Variants in PTCHD4 observed in about 807,000 individuals in gnomAD.
PTCHD4 encodes the protein patched domain-containing protein 4.
Under a neutral mutation model 58.1 loss-of-function variants are expected in PTCHD4, and 33 were observed. That is an observed-to-expected ratio of 0.57 (90% CI 0.43 to 0.76). PTCHD4 has a LOEUF of 0.76. Among genes scored for constraint, PTCHD4 ranks in the 30% least tolerant of loss-of-function variants. The pLI is 0.00. For missense variants in PTCHD4, 1,058 were observed against 1,027.1 expected (o/e 1.03, Z -0.41); for synonymous variants, 478 against 409.6 (o/e 1.17, Z -2.02).
At chr6:48,059,912 A>T (rs867048240) in intron 3 of PTCHD4, among the ~76,000 whole-genome samples, 13 of 152,098 alleles carry the variant, frequency 8.5e-5, no homozygotes, top group Admixed American at 4.6e-4. Flanking sequence ...CACCCGTCAG[A>T]TCTCTGCTCA....
At chr6:48,066,450 C>G (rs537467278) in intron 3 of PTCHD4, among the ~76,000 whole-genome samples, 23 of 152,276 alleles carry the variant, frequency 1.5e-4, no homozygotes, top group African/African-American at 5.3e-4. Context: ...GAAAAACCAA[C>G]TGAAGTTTAT....
Position 47,879,913 on chromosome 6 carries a change from C to G in PTCHD4, c.922G>C (p.Glu308Gln), listed in dbSNP as rs79417370. The part of the protein sequence containing the change: ...AMGHGTKGVF[E>Q]LLSGWRRTKE... The stretch of plus-strand genomic sequence containing the variant: ...GTTCTCCGCCATCCGGACAGAAGCT[C>G]AAACACTCCTTTAGTTCCATGACCT... The change falls in exon 5 of 5, where the codon GAG (glutamate) becomes CAG (glutamine). Residue 308 changes from glutamate to glutamine, a missense_variant. Glu to Gln is a conservative substitution (Grantham distance 29, BLOSUM62 2). Coordinates refer to ENST00000339488, the MANE Select transcript of PTCHD4 (RefSeq NM_001384253.1). 1 of 1,562,312 alleles carries G rather than the reference C, an allele frequency of 6.4e-7. No homozygotes were observed. Among genetic ancestry groups the G allele is most frequent in the African/African-American group, 1.4e-5 (1 of 73,490 alleles).
chr6:48,085,673 C>A (rs1236708434), intron 1 of PTCHD4, among the ~76,000 whole-genome samples: 1 of 152,240 alleles, frequency 6.6e-6, no homozygotes, highest in Non-Finnish European at 1.5e-5. Flanking sequence ...TATACTACAA[C>A]ATCAGCAAAA....
intron 1 of PTCHD4, among the ~76,000 whole-genome samples, chr6:48,105,448 C>A (rs574330744): frequency 6.4e-4 from 97 of 152,302 alleles, no homozygotes; most frequent in African/African-American, 2.0e-3. Flanking sequence ...ACTTTAAAAA[C>A]AGTGCATAGA....
At chr6:47,884,398 C>G (rs983326737) in intron 4 of PTCHD4, among the ~76,000 whole-genome samples, 1 of 152,132 alleles carries the variant, frequency 6.6e-6, no homozygotes, top group Non-Finnish European at 1.5e-5. Flanking sequence ...TTCTCTTTAG[C>G]TTTTTCTAAT....
At chr6:47,973,028 C>T (rs960931622) in intron 4 of PTCHD4, among the ~76,000 whole-genome samples, 3 of 152,000 alleles carry the variant, frequency 2.0e-5, no homozygotes, top group Admixed American at 1.3e-4. Context: ...TCATGTTCCT[C>T]GTTTCCTCAT....
chr6:47,949,671 G>C (rs1225816253), intron 4 of PTCHD4, among the ~76,000 whole-genome samples: 1 of 151,834 alleles, frequency 6.6e-6, no homozygotes, highest in African/African-American at 2.4e-5. Context: ...TTTCCCCCCA[G>C]ATTTCCAACT....
At chr6:47,893,049 T>A (rs1764427430) in intron 4 of PTCHD4, among the ~76,000 whole-genome samples, 2 of 152,228 alleles carry the variant, frequency 1.3e-5, no homozygotes, top group African/African-American at 4.8e-5. Flanking sequence ...TCTCGCTCTG[T>A]CACCAGGGTG....
At chr6:48,009,150 A>T in intron 3 of PTCHD4, 36 bp from the exon 4 acceptor site, 1 of 1,557,570 alleles carries the variant, frequency 6.4e-7, no homozygotes, top group Non-Finnish European at 8.7e-7. Flanking sequence ...TCAGTTACGG[A>T]TGTATATTCC....
Position 47,864,674 on chromosome 6 carries a change from T to G in PTCHD4, c.*13629A>C. Reference sequence around the variant, plus strand: ...TCTGCTTCCTCATCCTCACGTATTTTAGTTCTATGACTGTAGAAGAATACA... The same window carrying G: ...TCTGCTTCCTCATCCTCACGTATTTGAGTTCTATGACTGTAGAAGAATACA... On this transcript the variant is annotated 3_prime_UTR_variant, in exon 5 of 5. Transcript: ENST00000339488. 1.1e-5 allele frequency among the ~76,000 whole-genome samples: 1 copy of G among 91,428 alleles called. No individual in the cohort carries two copies. Among genetic ancestry groups the G allele is most frequent in the East Asian group, 4.1e-4 (1 of 2,420 alleles). 60.0% of individuals were successfully genotyped at this position (91,428 alleles called of 152,430 possible). A position where few individuals can be genotyped will look rare whatever the true frequency, so the allele number is the denominator to read the frequency against.
chr6:47,956,203 A>G (rs1766853067), intron 4 of PTCHD4, among the ~76,000 whole-genome samples: 1 of 152,208 alleles, frequency 6.6e-6, no homozygotes, highest in Admixed American at 6.5e-5. Flanking sequence ...GTGTCTCTGG[A>G]GAATCCTGAC....
rs563845955 is a variant in PTCHD4 at position 47,915,756 on chromosome 6, C to T, written c.899-35820G>A. 5.3e-5 allele frequency among the ~76,000 whole-genome samples: 8 copies of T among 152,076 alleles called. No homozygotes were observed. The South Asian group carries it at 6.2e-4, about 12-fold the overall frequency. The stretch of plus-strand genomic sequence containing the variant: ...CCATAGACTAGGACTTTTTGCATTG[C>T]CTCAGCATTGCCCCGTACTGGCACA... On this transcript the variant is annotated intron_variant, in intron 4 of 4. Transcript: ENST00000339488.
chr6:47,916,491 A>G lies in PTCHD4; in HGVS notation c.899-36555T>C, dbSNP rs1191573273. Among the ~76,000 whole-genome samples, 4 of 152,218 alleles carry G rather than the reference A, an allele frequency of 2.6e-5. No individual in the cohort carries two copies. The East Asian group carries it at 5.8e-4, about 22-fold the overall frequency. Reference sequence around the variant, plus strand: ...AGAAAAGGCTCTCTCCCCACCACCTACAAATAATCAGTCGATTAGGAAAAT... The same window carrying G: ...AGAAAAGGCTCTCTCCCCACCACCTGCAAATAATCAGTCGATTAGGAAAAT... On this transcript the variant is annotated intron_variant, in intron 4 of 4. Transcript: ENST00000339488.
In PTCHD4 at chr6:47,990,996, C is replaced by G. The variant is rs531468037; in HGVS notation, c.898+17638G>C. Among the ~76,000 whole-genome samples, 10 of 151,348 alleles carry G rather than the reference C, an allele frequency of 6.6e-5. No homozygotes were observed. The East Asian group carries it at 9.7e-4, about 15-fold the overall frequency. ...AATCTTTCACAATGTAGCACAGAGA[C>G]AAGGGGAAAATACAAAAGGAAGTAT... On this transcript the variant is annotated intron_variant, in intron 4 of 4. Transcript: ENST00000339488.
intron 3 of PTCHD4, among the ~76,000 whole-genome samples, 186 bp from the exon 4 acceptor site, chr6:48,009,300 A>G (rs1562004770): frequency 1.3e-5 from 2 of 152,228 alleles, no homozygotes; most frequent in Non-Finnish European, 2.9e-5. Context: ...ACCATGTATG[A>G]TGATCAAGGG....
intron 1 of PTCHD4, among the ~76,000 whole-genome samples, chr6:48,095,787 G>C (rs1055825520): frequency 6.6e-5 from 10 of 151,656 alleles, no homozygotes; most frequent in Non-Finnish European, 1.2e-4. Context: ...GAAGATGTGA[G>C]TGAAATTCAT....
At chr6:48,064,720 CTATT>C (rs929079155) in intron 3 of PTCHD4, among the ~76,000 whole-genome samples, 2 of 151,950 alleles carry the variant, frequency 1.3e-5, no homozygotes, top group African/African-American at 2.4e-5. Context: ...AAGTTAATGA[CTATT>C]TGTTGTGAAT....
chr6:47,894,954 A>G (rs1475363446), intron 4 of PTCHD4, among the ~76,000 whole-genome samples: 1 of 152,090 alleles, frequency 6.6e-6, no homozygotes, highest in African/African-American at 2.4e-5. Context: ...CAACATGGTG[A>G]AACCTCGTCT....
At chr6:48,041,121 A>G (rs561474889) in intron 3 of PTCHD4, among the ~76,000 whole-genome samples, 3 of 152,174 alleles carry the variant, frequency 2.0e-5, no homozygotes, top group African/African-American at 7.2e-5. Context: ...TCCTAAATAA[A>G]CTTAGCAGTG....
Sources: allele counts gnomAD v4.1 joint callset (sites outside exome capture counted in the v4.1 genomes callset), GRCh38; gene constraint gnomAD v4.1.1; transcripts MANE v1.5; gene names NCBI Gene and HGNC (gene_info 2026-07-23, HGNC 2026-07-21).